Variants in CHRM2 observed in about 807,000 individuals in gnomAD.
CHRM2 encodes the protein cholinergic receptor muscarinic 2.
CHRM2 carries 8 observed loss-of-function variants against 25.0 expected under a neutral mutation model. The ratio of observed to expected loss-of-function variants is 0.32; its 90% CI spans 0.19 to 0.58. The LOEUF (loss-of-function observed/expected upper bound fraction) is 0.58, where lower values mean the gene tolerates loss of function less well. CHRM2 is among the 20% of genes least tolerant of loss of function. CHRM2 has a pLI of 0.88. For missense variants in CHRM2, 440 were observed against 567.1 expected, an observed-to-expected ratio of 0.78 and a Z score of 2.28; for synonymous variants, 202 against 205.7, an observed-to-expected ratio of 0.98 and a Z score of 0.15.
chr7:136,938,269 G>A (rs67514280), intron 2 of CHRM2: 103,316 of 900,286 alleles, frequency 0.11, 9,623 homozygotes, highest in African/African-American at 0.41. Context: ...TTTAAAAGAA[G>A]AGTGCTTCAG....
intron 3 of CHRM2, among the ~76,000 whole-genome samples, chr7:136,995,640 T>C (rs1190529188): frequency 6.6e-6 from 1 of 152,012 alleles, no homozygotes; most frequent in Non-Finnish European, 1.5e-5. Flanking sequence ...GGTGCACACC[T>C]GTGGTCCAAG....
At chr7:137,001,214 C>G (rs529912073) in intron 3 of CHRM2, among the ~76,000 whole-genome samples, 14 of 152,258 alleles carry the variant, frequency 9.2e-5, no homozygotes, top group African/African-American at 2.6e-4. Flanking sequence ...CCTCCTCCCC[C>G]CTCAGACAGG....
chr7:136,998,889 T>C (rs1240592636), intron 3 of CHRM2, among the ~76,000 whole-genome samples: 2 of 152,044 alleles, frequency 1.3e-5, no homozygotes, highest in Non-Finnish European at 2.9e-5. Context: ...CATGTGCACA[T>C]AGTGACTCAG....
intron 2 of CHRM2, among the ~76,000 whole-genome samples, chr7:136,901,384 C>T (rs1321604385): frequency 6.6e-6 from 1 of 151,992 alleles, no homozygotes; most frequent in East Asian, 1.9e-4. Flanking sequence ...TGTGGCTTTA[C>T]CACGTAGGCA....
At chr7:136,938,882 T>A (rs946861526) in intron 2 of CHRM2, among the ~76,000 whole-genome samples, 5 of 120,158 alleles carry the variant, frequency 4.2e-5, no homozygotes, top group African/African-American at 1.5e-4. Flanking sequence ...TTGCTTTTTT[T>A]TTGGTCCAAA....
chr7:136,978,314 T>C (rs1350188005), intron 2 of CHRM2, among the ~76,000 whole-genome samples: 1 of 152,200 alleles, frequency 6.6e-6, no homozygotes, highest in Non-Finnish European at 1.5e-5. Context: ...TCATTTAGCA[T>C]GGCATACACA....
At chr7:136,949,459 T>A (rs373010041) in intron 2 of CHRM2, among the ~76,000 whole-genome samples, 82 of 120,768 alleles carry the variant, frequency 6.8e-4, no homozygotes, top group East Asian at 7.7e-4. Context: ...TCTGCAAAAC[T>A]AAAAAAAAAA....
chr7:136,980,420 T>C (rs1802406785), intron 2 of CHRM2, among the ~76,000 whole-genome samples: 1 of 152,212 alleles, frequency 6.6e-6, no homozygotes, highest in African/African-American at 2.4e-5. Context: ...CTCTTCCTAT[T>C]TGAATATCCT....
intron 2 of CHRM2, among the ~76,000 whole-genome samples, chr7:136,913,137 A>G (rs1797932027): frequency 6.6e-6 from 1 of 151,984 alleles, no homozygotes; most frequent in Non-Finnish European, 1.5e-5. Context: ...GACAAACTGT[A>G]TAACAATTGA....
At chr7:136,893,554 T>C (rs559238624) in intron 2 of CHRM2, among the ~76,000 whole-genome samples, 1 of 152,134 alleles carries the variant, frequency 6.6e-6, no homozygotes, top group Non-Finnish European at 1.5e-5. Flanking sequence ...GATTTTGACT[T>C]CATTAAGACG....
intron 2 of CHRM2, among the ~76,000 whole-genome samples, chr7:136,923,754 A>T (rs949604047): frequency 6.6e-6 from 1 of 152,088 alleles, no homozygotes; most frequent in African/African-American, 2.4e-5. Context: ...CATGCTTTTA[A>T]TCCCAGCAAA....
intron 2 of CHRM2, among the ~76,000 whole-genome samples, chr7:136,894,980 C>A (rs908504491): frequency 6.6e-6 from 1 of 151,994 alleles, no homozygotes; most frequent in African/African-American, 2.4e-5. Flanking sequence ...TTCTTTCCCC[C>A]GAGTCAGCAT....
chr7:136,922,220 C>T (rs1367880734), intron 2 of CHRM2, among the ~76,000 whole-genome samples: 4 of 152,192 alleles, frequency 2.6e-5, no homozygotes, highest in Admixed American at 2.6e-4. Context: ...TGCTTTCTGT[C>T]CTGCAACACA....
chr7:136,891,851 A>G (rs1252995862), intron 2 of CHRM2, among the ~76,000 whole-genome samples: 1 of 152,210 alleles, frequency 6.6e-6, no homozygotes, highest in African/African-American at 2.4e-5. Context: ...GCCGCTCCTC[A>G]GAAGTCCTTT....
chr7:136,881,786 A>G (rs2113550), intron 2 of CHRM2, among the ~76,000 whole-genome samples: 53,807 of 151,856 alleles, frequency 0.35, 9,962 homozygotes, highest in African/African-American at 0.42. Flanking sequence ...AGTTTGGACA[A>G]GTCTTCCATT....
At chr7:136,929,048 C>A (rs1798904339) in intron 2 of CHRM2, among the ~76,000 whole-genome samples, 3 of 152,050 alleles carry the variant, frequency 2.0e-5, no homozygotes, top group African/African-American at 7.2e-5. Context: ...CTCTTAGGTT[C>A]TATTGTGTGC....
chr7:136,931,588 C>T (rs567154199), intron 2 of CHRM2, among the ~76,000 whole-genome samples: 17 of 152,308 alleles, frequency 1.1e-4, no homozygotes, highest in South Asian at 6.2e-4. Flanking sequence ...CAGCACCTCC[C>T]CCATCATGAA....
At chr7:136,917,454 T>C (rs1463106927) in intron 2 of CHRM2, among the ~76,000 whole-genome samples, 1 of 152,052 alleles carries the variant, frequency 6.6e-6, no homozygotes, top group Non-Finnish European at 1.5e-5. Context: ...GGATGGTTGC[T>C]GGCTTGTCCA....
chr7:136,890,861 G>A (rs1355244045), intron 2 of CHRM2, among the ~76,000 whole-genome samples: 1 of 152,094 alleles, frequency 6.6e-6, no homozygotes. Context: ...ATGTGTATGT[G>A]TATGTTTGTA....
Sources: gnomAD v4.1 joint callset for allele counts (sites outside exome capture counted in the v4.1 genomes callset) on GRCh38, gnomAD v4.1.1 for gene constraint, MANE v1.5 for transcripts, NCBI Gene and HGNC (gene_info 2026-07-23, HGNC 2026-07-21) for gene names.